The following RCAN2 variants were observed in gnomAD, a reference collection of about 807,000 sequenced individuals.
RCAN2 encodes the protein regulator of calcineurin 2.
In RCAN2, 9 loss-of-function variants were observed where a neutral mutation model predicts 23.6. The ratio of observed to expected loss-of-function variants is 0.38; its 90% CI spans 0.23 to 0.67. The LOEUF (loss-of-function observed/expected upper bound fraction) is 0.67. RCAN2 is among the 30% of genes least tolerant of loss of function. The pLI, the probability that RCAN2 is intolerant of heterozygous loss-of-function variation, is 0.51. For synonymous variants in RCAN2, 109 were observed against 115.7 expected (o/e 0.94, Z 0.37); for missense variants, 273 against 302.3 (o/e 0.90, Z 0.72).
chr6:46,426,192 C>T (rs1767027301), intron 2 of RCAN2, among the ~76,000 whole-genome samples: 1 of 152,156 alleles, frequency 6.6e-6, no homozygotes, highest in African/African-American at 2.4e-5. Context: ...AGCCACCATG[C>T]CCAGCTGACT....
At chr6:46,367,053 A>C (rs574143826) in intron 2 of RCAN2, among the ~76,000 whole-genome samples, 40 of 126,362 alleles carry the variant, frequency 3.2e-4, no homozygotes, top group Middle Eastern at 4.2e-3. Flanking sequence ...ATATATATAT[A>C]TCCTAGCTGA....
At chr6:46,317,551 T>C (rs1297602311) in intron 2 of RCAN2, among the ~76,000 whole-genome samples, 1 of 152,104 alleles carries the variant, frequency 6.6e-6, no homozygotes, top group Non-Finnish European at 1.5e-5. Flanking sequence ...AAGCTCCACC[T>C]CCCCGGTTAA....
intron 3 of RCAN2, among the ~76,000 whole-genome samples, chr6:46,247,235 C>A (rs1029401539): frequency 6.6e-6 from 1 of 152,078 alleles, no homozygotes. Context: ...TCTAATAGAT[C>A]CCCAGGCTAT....
At chr6:46,230,847 C>T (rs903859356) in intron 4 of RCAN2, among the ~76,000 whole-genome samples, 4 of 152,320 alleles carry the variant, frequency 2.6e-5, no homozygotes, top group Admixed American at 6.5e-5. Context: ...ATCACTCACG[C>T]TGGGAGCTGT....
intron 2 of RCAN2, among the ~76,000 whole-genome samples, chr6:46,426,787 A>C (rs1392235171): frequency 6.6e-6 from 1 of 152,206 alleles, no homozygotes; most frequent in African/African-American, 2.4e-5. Context: ...TATACACTTA[A>C]AAAGAGTATA....
intron 4 of RCAN2, among the ~76,000 whole-genome samples, chr6:46,232,235 G>C (rs79273635): frequency 9.9e-5 from 15 of 152,234 alleles, no homozygotes; most frequent in Admixed American, 9.8e-4. Flanking sequence ...ACGCATATGC[G>C]GTATAGTGCT....
At chr6:46,295,622 G>A (rs1762702287) in intron 2 of RCAN2, among the ~76,000 whole-genome samples, 1 of 152,090 alleles carries the variant, frequency 6.6e-6, no homozygotes, top group Non-Finnish European at 1.5e-5. Flanking sequence ...ATAAAGGCAG[G>A]ACTGCAGGGA....
chr6:46,226,312 T>TTC (rs1765662783), intron 4 of RCAN2, among the ~76,000 whole-genome samples: 1 of 152,224 alleles, frequency 6.6e-6, no homozygotes, highest in South Asian at 2.1e-4. Flanking sequence ...GTTTTTCCAG[T>TTC]TCTGTGAAGA....
chr6:46,222,381 A>G lies in RCAN2; in HGVS notation c.*760T>C, dbSNP rs1246216041. On this transcript the variant is annotated 3_prime_UTR_variant, in exon 5 of 5. Coordinates refer to ENST00000371374, the MANE Select transcript of RCAN2 (RefSeq NM_001251974.2). ...GTAATAAATAGGTTTGTCTGAAATC[A>G]GTCTCTATCACCCTGGACAAGCCTC... 6.3e-6 allele frequency: 1 copy of G among 158,344 alleles called. No individual in the cohort carries two copies. The highest frequency in any genetic ancestry group is 2.4e-5 in the African/African-American group (1 of 41,758). The allele number at this position is 158,344 out of a possible 1,614,324, so 9.8% of individuals were successfully genotyped here. A position where few individuals can be genotyped will look rare whatever the true frequency, so the allele number is the denominator to read the frequency against.
Position 46,460,048 on chromosome 6 carries a change from CTGT to C in RCAN2, c.-2-3073_-2-3071del, listed in dbSNP as rs373563782. Among the ~76,000 whole-genome samples, 176 of 151,612 alleles carry C rather than the reference CTGT, an allele frequency of 1.2e-3. 5 individuals are homozygous for C. The South Asian group carries it at 0.036, about 31-fold the overall frequency. On this transcript the variant is annotated intron_variant, in intron 1 of 4. Transcript: ENST00000371374. ...GTTAACTGGTTTGTCTTTGTTTCCT[CTGT>C]TGTTGTTTTTTTTTTCCACTTTTTC... is the stretch of plus-strand genomic sequence containing the variant.
chr6:46,368,868 T>C (rs140474837), intron 2 of RCAN2, among the ~76,000 whole-genome samples: 2,993 of 152,264 alleles, frequency 0.02, 97 homozygotes, highest in African/African-American at 0.063. Flanking sequence ...CTACACTAAA[T>C]GTATTTTAAA....
intron 2 of RCAN2, among the ~76,000 whole-genome samples, chr6:46,332,312 GA>G (rs1763998747): frequency 6.6e-6 from 1 of 151,520 alleles, no homozygotes; most frequent in East Asian, 1.9e-4. Flanking sequence ...TTTTTAATCT[GA>G]TTTTTTTTAT....
intron 2 of RCAN2, among the ~76,000 whole-genome samples, chr6:46,318,319 C>T (rs547886071): frequency 4.5e-4 from 69 of 151,970 alleles, no homozygotes; most frequent in Admixed American, 1.4e-3. Context: ...AGTACATAGT[C>T]CAATCTAACA....
Position 46,382,413 on chromosome 6 carries a change from A to C in RCAN2, c.225+74339T>G, listed in dbSNP as rs149345756. On this transcript the variant is annotated intron_variant, in intron 2 of 4. Transcript: ENST00000371374. ...ACAGCTAAGTCCTAGAACCCTTAGA[A>C]AGCTATGCTGGGACAAAAATATTCC... Among the ~76,000 whole-genome samples the C allele has an allele frequency of 3.1e-3, 479 of 152,298 alleles. 2 individuals are homozygous for C. The highest frequency in any genetic ancestry group is 0.011 in the African/African-American group (443 of 41,552).
intron 2 of RCAN2, among the ~76,000 whole-genome samples, chr6:46,427,519 A>C (rs577148740): frequency 5.9e-5 from 9 of 152,222 alleles, no homozygotes; most frequent in Non-Finnish European, 1.2e-4. Context: ...CAAATTTAGC[A>C]ACTATCTTTC....
chr6:46,254,805 C>T (rs1404203743), intron 2 of RCAN2, among the ~76,000 whole-genome samples: 1 of 152,016 alleles, frequency 6.6e-6, no homozygotes, highest in Non-Finnish European at 1.5e-5. Context: ...GGTATGGGAC[C>T]CTAATCTAAG....
chr6:46,231,136 G>A (rs1455021580), intron 4 of RCAN2, among the ~76,000 whole-genome samples: 2 of 152,156 alleles, frequency 1.3e-5, no homozygotes, highest in Non-Finnish European at 2.9e-5. Context: ...AAATTAAGAT[G>A]AGGTCATTAG....
intron 2 of RCAN2, among the ~76,000 whole-genome samples, chr6:46,264,840 A>T (rs1767265528): frequency 6.6e-6 from 1 of 152,234 alleles, no homozygotes; most frequent in African/African-American, 2.4e-5. Context: ...AATGCTTTCT[A>T]TATGCCAAGT....
chr6:46,407,696 T>C (rs1283230968), intron 2 of RCAN2, among the ~76,000 whole-genome samples: 1 of 152,194 alleles, frequency 6.6e-6, no homozygotes, highest in Admixed American at 6.5e-5. Flanking sequence ...TATACATCAA[T>C]GTCCTACTTT....
Sources: gnomAD v4.1 joint callset for allele counts (sites outside exome capture counted in the v4.1 genomes callset) on GRCh38, gnomAD v4.1.1 for gene constraint, MANE v1.5 for transcripts, NCBI Gene and HGNC (gene_info 2026-07-23, HGNC 2026-07-21) for gene names.